Variants in PTPN22 observed in about 807,000 individuals in gnomAD.
The protein encoded by PTPN22 is protein tyrosine phosphatase non-receptor type 22, also known as tyrosine-protein phosphatase non-receptor type 22.
PTPN22 carries 85 observed loss-of-function variants against 103.3 expected under a neutral mutation model. The observed-to-expected ratio is 0.82, with a 90% CI of 0.69 to 0.99. PTPN22 has a LOEUF of 0.99. Ranked by LOEUF, PTPN22 falls within the 50% of genes least tolerant of loss-of-function variation. PTPN22 has a pLI of 0.00. For missense variants in PTPN22, 865 were observed against 936.9 expected (o/e 0.92, Z 1.00); for synonymous variants, 323 against 310.2 (o/e 1.04, Z -0.43).
chr1:113,826,214 G>A (rs1217113183), intron 18 of PTPN22, among the ~76,000 whole-genome samples: 1 of 152,066 alleles, frequency 6.6e-6, no homozygotes, highest in Non-Finnish European at 1.5e-5. Flanking sequence ...GCATGGTGGT[G>A]CAGACCTGTG....
rs1666092270 is a variant in PTPN22, at chr1:113,866,069, C to A, written c.87+5468G>T. ...ATGTGACCCTGAGCAAGTTAATTGACCTCTCTGTTTGTTTCCTCACCTATA... is the reference window on the plus strand; with the variant it reads ...ATGTGACCCTGAGCAAGTTAATTGAACTCTCTGTTTGTTTCCTCACCTATA... On this transcript the variant is annotated intron_variant, in intron 1 of 20. Coordinates refer to ENST00000359785, the Ensembl canonical transcript of PTPN22. Among the ~76,000 whole-genome samples, 4 of 152,190 alleles carry A rather than the reference C, an allele frequency of 2.6e-5. No homozygotes were observed. In the South Asian group the frequency reaches 8.3e-4, roughly 32 times the overall value.
intron 9 of PTPN22, among the ~76,000 whole-genome samples, chr1:113,852,612 C>CA (rs1664668910): frequency 6.6e-6 from 1 of 152,212 alleles, no homozygotes; most frequent in African/African-American, 2.4e-5. Context: ...GCATCACAAT[C>CA]ACCTGGACAG....
At chr1:113,871,618 G>A in exon 1 of PTPN22, 1 of 1,613,804 alleles carries the variant, frequency 6.2e-7, no homozygotes, top group Non-Finnish European at 8.5e-7. Context: ...TTTCTCTTTG[G>A]TCCATGCTGC....
chr1:113,857,112 T>C (rs1261941732), intron 5 of PTPN22, among the ~76,000 whole-genome samples: 1 of 152,216 alleles, frequency 6.6e-6, no homozygotes, highest in African/African-American at 2.4e-5. Flanking sequence ...TATCAAAACA[T>C]TCTGACATGT....
Position 113,867,969 on chromosome 1 carries a change from C to T in PTPN22, c.87+3568G>A, listed in dbSNP as rs547899672. ...TGGCATAGTATTTACACATACTATA[C>T]ATGACCTCTTGTATATTTTAAATCA... On this transcript the variant is annotated intron_variant, in intron 1 of 20. Coordinates refer to ENST00000359785, the Ensembl canonical transcript of PTPN22. 5.3e-5 allele frequency among the ~76,000 whole-genome samples: 8 copies of T among 152,316 alleles called. No homozygotes were observed. The South Asian group carries it at 1.7e-3, about 32-fold the overall frequency.
chr1:113,830,041 A>G lies in PTPN22; in HGVS notation c.2054-12T>C, dbSNP rs1349057694. 1 of 1,560,868 alleles carries G rather than the reference A, an allele frequency of 6.4e-7. No homozygotes were observed. Among genetic ancestry groups the G allele is most frequent in the African/African-American group, 1.4e-5 (1 of 73,328 alleles). ...ATCTTGATGTAGTTCTGTGATAAGA[A>G]AGTATACAATAAACCAGAGAAATCC... On this transcript the variant is annotated splice_polypyrimidine_tract_variant and intron_variant, in intron 16 of 20. Coordinates refer to ENST00000359785, the Ensembl canonical transcript of PTPN22.
chr1:113,825,169 A>G (rs1292246281), exon 19 of PTPN22: 1 of 1,493,680 alleles, frequency 6.7e-7, no homozygotes, highest in Non-Finnish European at 9.2e-7. Flanking sequence ...AAAATTTTCA[A>G]ACTCTACAAA....
At chr1:113,856,414 T>C (rs1295142254) in exon 7 of PTPN22, 4 of 1,588,794 alleles carry the variant, frequency 2.5e-6, no homozygotes, top group Non-Finnish European at 3.4e-6. Context: ...GTCCTGATTA[T>C]ATAATCAGAT....
At chr1:113,852,159 C>G (rs1664624044) in intron 9 of PTPN22, 55 bp from the exon 10 acceptor site, 2 of 1,336,350 alleles carry the variant, frequency 1.5e-6, no homozygotes, top group African/African-American at 2.9e-5. Context: ...TAAATTATTG[C>G]TACTTTTTCA....
At chr1:113,837,347 G>A (rs1445962193) in intron 13 of PTPN22, among the ~76,000 whole-genome samples, 1 of 151,884 alleles carries the variant, frequency 6.6e-6, no homozygotes, top group Non-Finnish European at 1.5e-5. Context: ...CTACTCAGGA[G>A]GCTGAGGCAG....
At chr1:113,814,328 G>A (rs2101842212) in exon 21 of PTPN22, 1 of 152,094 alleles carries the variant, frequency 6.6e-6, no homozygotes, top group Non-Finnish European at 1.5e-5. Context: ...TCAAATAATT[G>A]TCATTATTTG....
At chr1:113,825,946 C>T (rs1398884990) in intron 18 of PTPN22, among the ~76,000 whole-genome samples, 2 of 152,074 alleles carry the variant, frequency 1.3e-5, no homozygotes, top group East Asian at 1.9e-4. Flanking sequence ...AACTCCTGAC[C>T]TTGTGACCTA....
intron 11 of PTPN22, among the ~76,000 whole-genome samples, chr1:113,844,969 C>T (rs1571405946): frequency 6.6e-6 from 1 of 152,082 alleles, no homozygotes; most frequent in African/African-American, 2.4e-5. Context: ...CAGGCACATG[C>T]CATCACACCT....
chr1:113,829,575 A>G lies in PTPN22; in HGVS notation c.2250+17T>C. 1 of 1,455,474 alleles carries G rather than the reference A, an allele frequency of 6.9e-7. No individual in the cohort carries two copies. The highest frequency in any genetic ancestry group is 1.3e-5 in the South Asian group (1 of 77,016). The allele number at this position is 1,455,474 out of a possible 1,614,324, so 90.2% of individuals were successfully genotyped here. On this transcript the variant is annotated intron_variant, in intron 18 of 20. Coordinates refer to ENST00000359785, the Ensembl canonical transcript of PTPN22. ...GAAAGTTTCCGGCATGTTTCCCAAAACTCTTATCTTCTTTACCTTACTCCT... is the reference window on the plus strand; with the variant it reads ...GAAAGTTTCCGGCATGTTTCCCAAAGCTCTTATCTTCTTTACCTTACTCCT...
chr1:113,850,907 T>A (rs554882323), intron 10 of PTPN22, among the ~76,000 whole-genome samples: 2 of 152,352 alleles, frequency 1.3e-5, no homozygotes, highest in South Asian at 4.1e-4. Context: ...AAGTGCCTGT[T>A]AATAAACATC....
chr1:113,852,074 A>G (rs752412036), exon 10 of PTPN22: 1 of 1,611,384 alleles, frequency 6.2e-7, no homozygotes, highest in Non-Finnish European at 8.5e-7. Flanking sequence ...TCCCGGATCA[A>G]ACTGAAAACA....
intron 18 of PTPN22, among the ~76,000 whole-genome samples, chr1:113,827,997 A>G (rs1294845720): frequency 1.3e-5 from 2 of 152,220 alleles, no homozygotes; most frequent in Non-Finnish European, 2.9e-5. Context: ...TTTTTTCATT[A>G]TGAATGAAAT....
At chr1:113,814,409 T>C (rs1168065578) in exon 21 of PTPN22, 1 of 152,396 alleles carries the variant, frequency 6.6e-6, no homozygotes, top group Non-Finnish European at 1.5e-5. Context: ...TTTGGGAAGA[T>C]TTACAAGGTA....
In PTPN22 at chr1:113,859,343, G is replaced by T; in HGVS notation, c.196+9C>A. On this transcript the variant is annotated intron_variant, in intron 2 of 20. Transcript: ENST00000359785. ...AAAGTATGAGTTTATAGAGAGAAAT[G>T]GAACTTACAGGGCAAAATATCCTTA... 6.3e-7 allele frequency: 1 copy of T among 1,599,908 alleles called. No individual in the cohort carries two copies. Among genetic ancestry groups the T allele is most frequent in the South Asian group, 1.1e-5 (1 of 90,710 alleles).
Sources: allele counts gnomAD v4.1 joint callset (sites outside exome capture counted in the v4.1 genomes callset), GRCh38; gene constraint gnomAD v4.1.1; transcripts MANE v1.5; gene names NCBI Gene and HGNC (gene_info 2026-07-23, HGNC 2026-07-21).